Variants in MGA observed in about 807,000 individuals in gnomAD.
The protein encoded by MGA is MAX gene-associated protein.
A neutral mutation model predicts 261.1 loss-of-function variants in MGA; 40 were observed. The observed-to-expected ratio is 0.15, with a 90% CI of 0.12 to 0.20. The LOEUF is 0.20. Ranked by LOEUF, MGA falls within the 10% of genes least tolerant of loss-of-function variation. The pLI, the probability that MGA is intolerant of heterozygous loss-of-function variation, is 1.00. For missense variants in MGA, 3,397 were observed against 3,630.5 expected, an observed-to-expected ratio of 0.94 and a Z score of 1.65; for synonymous variants, 1,302 against 1,290.6, an observed-to-expected ratio of 1.01 and a Z score of -0.19.
chr15:41,723,983 GTAC>G (rs1437777642), intron 9 of MGA, among the ~76,000 whole-genome samples: 1 of 148,290 alleles, frequency 6.7e-6, no homozygotes, highest in African/African-American at 2.5e-5. Context: ...TTTTTTTGAA[GTAC>G]TGTACTGTGT....
intron 7 of MGA, 52 bp downstream of exon 7, chr15:41,708,260 C>A: frequency 4.6e-5 from 58 of 1,263,726 alleles, no homozygotes; most frequent in Non-Finnish European, 6.1e-5. Context: ...TAGCCAGAAA[C>A]CTTTTGTTAA....
intron 17 of MGA, 192 bp downstream of exon 17, chr15:41,750,807 T>G (rs1022019976): frequency 1.9e-6 from 1 of 524,856 alleles, no homozygotes; most frequent in Non-Finnish European, 3.2e-6. Flanking sequence ...CTTTTATTCT[T>G]TGAGACTTGT....
chr15:41,742,521 T>C, intron 14 of MGA, 25 bp from the exon 15 acceptor site: 2 of 1,602,392 alleles, frequency 1.2e-6, no homozygotes, highest in Non-Finnish European at 1.7e-6. Context: ...CTGAAGATTT[T>C]TGACCTGCAA....
At chr15:41,708,850 A>G (rs999233665) in intron 7 of MGA, among the ~76,000 whole-genome samples, 5 of 152,150 alleles carry the variant, frequency 3.3e-5, no homozygotes, top group Non-Finnish European at 5.9e-5. Flanking sequence ...TTATACTTCA[A>G]ACTAAACTAA....
At chr15:41,730,289 AT>A (rs1302107627) in intron 11 of MGA, among the ~76,000 whole-genome samples, 3 of 152,056 alleles carry the variant, frequency 2.0e-5, no homozygotes, top group Non-Finnish European at 2.9e-5. Context: ...AACACAAAAA[AT>A]TAGCCGGGTG....
chr15:41,725,245 G>A lies in MGA; in HGVS notation c.3431-1935G>A, dbSNP rs62002071. On this transcript the variant is annotated intron_variant, in intron 9 of 23. Coordinates refer to ENST00000219905, the MANE Select transcript of MGA (RefSeq NM_001164273.2). ...CCCAGTGACTCAGGAGGCTGAGGCCGCAGGATTGCATGAGGCCAGGAGTTC... is the reference window on the plus strand; with the variant it reads ...CCCAGTGACTCAGGAGGCTGAGGCCACAGGATTGCATGAGGCCAGGAGTTC... Among the ~76,000 whole-genome samples the A allele has an allele frequency of 2.2e-3, 329 of 152,318 alleles. 2 individuals are homozygous for A. The highest frequency in any genetic ancestry group is 2.6e-3 in the Non-Finnish European group (178 of 68,028).
upstream of MGA, among the ~76,000 whole-genome samples, chr15:41,656,344 T>TTCTCTCTCTCTCTCTCTCTCTCTCTCC (rs2057178602): frequency 3.3e-5 from 2 of 59,988 alleles, no homozygotes; most frequent in Non-Finnish European, 7.3e-5. Flanking sequence ...CTCTCCTCTC[T>TTCTCTCTCTCTCTCTCTCTCTCTCTCC]TCTCTCTCTC....
chr15:41,642,645 A>G (rs1280721910), intron 1 of MGA, among the ~76,000 whole-genome samples: 1 of 151,914 alleles, frequency 6.6e-6, no homozygotes, highest in East Asian at 1.9e-4. Flanking sequence ...CACCTCACCC[A>G]GCTAATTTTT....
Position 41,764,962 on chromosome 15 carries a change from A to G in MGA, c.7821A>G (p.Leu2607=), listed in dbSNP as rs1944884026. ...CTCCGCAAGGGCAATTGCTCACCCTAAAAGGTCCCCTATTCTCAGGACCAG... is the reference window on the plus strand; with the variant it reads ...CTCCGCAAGGGCAATTGCTCACCCTGAAAGGTCCCCTATTCTCAGGACCAG... The change falls in exon 23 of 24, where the codon CTA becomes CTG. Residue 2607 remains leucine (L), a synonymous_variant. Coordinates refer to ENST00000219905, the MANE Select transcript of MGA (RefSeq NM_001164273.2). 6.2e-7 allele frequency: 1 copy of G among 1,613,838 alleles called. No homozygotes were observed. Among genetic ancestry groups the G allele is most frequent in the African/African-American group, 1.3e-5 (1 of 74,900 alleles).
Position 41,767,566 on chromosome 15 carries a change from G to T in MGA, c.*286G>T. On this transcript the variant is annotated 3_prime_UTR_variant, in exon 24 of 24. Transcript: ENST00000219905. ...ACATGAGGTGCCCCTCTTACCCAAGGAATTTATAACATGACTCTGGCTCCA... is the reference window on the plus strand; with the variant it reads ...ACATGAGGTGCCCCTCTTACCCAAGTAATTTATAACATGACTCTGGCTCCA... The T allele has an allele frequency of 2.6e-6, 1 of 382,858 alleles. No individual in the cohort carries two copies. The highest frequency in any genetic ancestry group is 4.7e-6 in the Non-Finnish European group (1 of 211,744). The allele number at this position is 382,858 out of a possible 1,614,324, so 23.7% of individuals were successfully genotyped here.
chr15:41,682,241 C>G (rs1324221201), intron 2 of MGA, among the ~76,000 whole-genome samples: 1 of 151,798 alleles, frequency 6.6e-6, no homozygotes, highest in Non-Finnish European at 1.5e-5. Flanking sequence ...TTAATAAAAT[C>G]TTTTGGTTCA....
intron 2 of MGA, among the ~76,000 whole-genome samples, chr15:41,675,831 G>A (rs978076182): frequency 6.6e-6 from 1 of 152,014 alleles, no homozygotes; most frequent in Non-Finnish European, 1.5e-5. Flanking sequence ...TCTTTTACGT[G>A]ACCTTCAAAC....
intron 7 of MGA, 26 bp downstream of exon 7, chr15:41,708,234 A>T: frequency 6.9e-7 from 1 of 1,450,522 alleles, no homozygotes. Flanking sequence ...AAATTTTTTA[A>T]ATGTTCTGAA....
intron 2 of MGA, among the ~76,000 whole-genome samples, chr15:41,693,156 C>CT (rs1262949086): frequency 2.0e-5 from 3 of 151,906 alleles, no homozygotes; most frequent in Non-Finnish European, 1.5e-5. Flanking sequence ...GGAGGATTTT[C>CT]TTTTTTTTAT....
intron 2 of MGA, among the ~76,000 whole-genome samples, chr15:41,690,057 G>A (rs548832603): frequency 2.0e-5 from 3 of 152,090 alleles, no homozygotes; most frequent in Non-Finnish European, 2.9e-5. Context: ...CAGCACCCCA[G>A]AAAGAAAACC....
At chr15:41,762,461 G>GTTTTTTGTTTTT (rs2063524547) in intron 22 of MGA, 99 bp downstream of exon 22, 2 of 138,446 alleles carry the variant, frequency 1.4e-5, no homozygotes, top group East Asian at 7.3e-4. Flanking sequence ...GTTTTGTGTG[G>GTTTTTTGTTTTT]TTTTTTTTTT....
intron 2 of MGA, among the ~76,000 whole-genome samples, chr15:41,676,718 TTA>T (rs2058402366): frequency 6.6e-6 from 1 of 152,242 alleles, no homozygotes; most frequent in Non-Finnish European, 1.5e-5. Context: ...CACACATTTT[TTA>T]TATACTTTTG....
chr15:41,671,397 C>T (rs558277244), intron 2 of MGA, among the ~76,000 whole-genome samples: 1 of 152,140 alleles, frequency 6.6e-6, no homozygotes, highest in South Asian at 2.1e-4. Context: ...CATCTCGGCT[C>T]ACTGCAACCT....
At chr15:41,626,132 T>TA (rs1566919757) in intron 1 of MGA, among the ~76,000 whole-genome samples, 1 of 152,168 alleles carries the variant, frequency 6.6e-6, no homozygotes, top group African/African-American at 2.4e-5. Context: ...GTTTTAGACA[T>TA]ACACTGGGGG....
Sources: allele counts gnomAD v4.1 joint callset (sites outside exome capture counted in the v4.1 genomes callset), GRCh38; gene constraint gnomAD v4.1.1; transcripts MANE v1.5; gene names NCBI Gene and HGNC (gene_info 2026-07-23, HGNC 2026-07-21).